The following RNF17 variants were observed in gnomAD, a reference collection of about 807,000 sequenced individuals.
RNF17 encodes spermatogenesis associated 23.
In RNF17, 31 loss-of-function variants were observed where a neutral mutation model predicts 200.5. The ratio of observed to expected loss-of-function variants is 0.15; its 90% CI spans 0.12 to 0.21. The LOEUF is 0.21. RNF17 is among the 10% of genes least tolerant of loss of function. RNF17 has a pLI of 1.00. For missense variants in RNF17, 1,628 were observed against 1,905.1 expected, an observed-to-expected ratio of 0.85 and a Z score of 2.71; for synonymous variants, 606 against 637.8, an observed-to-expected ratio of 0.95 and a Z score of 0.75.
intron 23 of RNF17, among the ~76,000 whole-genome samples, chr13:24,851,255 A>G (rs1404485160): frequency 6.6e-6 from 1 of 152,144 alleles, no homozygotes. Context: ...CTGCCTCTCA[A>G]AGTGCTGGGA....
At chr13:24,839,328 A>C (rs1831797) in intron 18 of RNF17, among the ~76,000 whole-genome samples, 150,726 of 152,228 alleles carry the variant, frequency 0.99, 74,638 homozygotes, top group Middle Eastern at 1. Flanking sequence ...TCTACAAATT[A>C]AGTGCAATCC....
At chr13:24,784,482 T>C (rs778234953) in intron 6 of RNF17, among the ~76,000 whole-genome samples, 3 of 152,176 alleles carry the variant, frequency 2.0e-5, no homozygotes, top group Non-Finnish European at 4.4e-5. Context: ...GGCTAAACTT[T>C]GTTGGGAGGT....
At chr13:24,817,665 G>A (rs1028461742) in intron 15 of RNF17, among the ~76,000 whole-genome samples, 1 of 151,652 alleles carries the variant, frequency 6.6e-6, no homozygotes, top group Admixed American at 6.6e-5. Flanking sequence ...GTTGCAGTGA[G>A]CTGAGAGTGT....
At chr13:24,852,124 TTC>T (rs1255901063) in intron 24 of RNF17, among the ~76,000 whole-genome samples, 2 of 148,922 alleles carry the variant, frequency 1.3e-5, no homozygotes, top group South Asian at 2.1e-4. Context: ...GCTTAATCTT[TTC>T]TCTCTCTCTC....
At chr13:24,815,427 G>GT (rs1887259961) in intron 15 of RNF17, among the ~76,000 whole-genome samples, 2 of 120,276 alleles carry the variant, frequency 1.7e-5, no homozygotes, top group East Asian at 2.4e-4. Flanking sequence ...AGCCCTAACG[G>GT]GGTGTGTGTG....
At chr13:24,861,830 A>G (rs940384313) in intron 27 of RNF17, among the ~76,000 whole-genome samples, 2 of 152,264 alleles carry the variant, frequency 1.3e-5, no homozygotes, top group Middle Eastern at 3.4e-3. Context: ...TGTTTTGACA[A>G]GGGGTCTGTA....
intron 1 of RNF17, among the ~76,000 whole-genome samples, chr13:24,766,690 A>G (rs970143651): frequency 2.0e-5 from 3 of 152,238 alleles, no homozygotes; most frequent in African/African-American, 7.2e-5. Flanking sequence ...AGGAGTCTGG[A>G]TTATACCATT....
At chr13:24,868,864 C>A in intron 31 of RNF17, 148 bp downstream of exon 31, 1 of 611,462 alleles carries the variant, frequency 1.6e-6, no homozygotes, top group Non-Finnish European at 2.9e-6. Context: ...CTATAATATC[C>A]TCTTCAGATA....
intron 27 of RNF17, 66 bp from the exon 28 acceptor site, chr13:24,862,647 T>C: frequency 2.0e-6 from 2 of 993,070 alleles, no homozygotes; most frequent in East Asian, 2.4e-5. Context: ...TTTGTGTATC[T>C]TAATTTGCTT....
chr13:24,812,704 C>T (rs1157854868), intron 15 of RNF17, among the ~76,000 whole-genome samples: 1 of 112,012 alleles, frequency 8.9e-6, no homozygotes, highest in Non-Finnish European at 1.7e-5. Flanking sequence ...TTTTTTGAGA[C>T]GCAGTCTCGC....
At chr13:24,761,235 T>G (rs568403686), upstream of RNF17, among the ~76,000 whole-genome samples, 35 of 152,334 alleles carry the variant, frequency 2.3e-4, no homozygotes, top group African/African-American at 8.2e-4. Flanking sequence ...ATGTTTCTAT[T>G]CAATAATTTG....
rs768395385 is a variant in RNF17, at chr13:24,802,433, A to G, written c.1811A>G (p.Asn604Ser). ...GTGGAATTTTTGAAAATGGTAAATAACAAGGCTGTTTCAATGAAAGTTTTT... is the reference window on the plus strand; with the variant it reads ...GTGGAATTTTTGAAAATGGTAAATAGCAAGGCTGTTTCAATGAAAGTTTTT... ...AKVEFLKMVN[N>S]KAVSMKVFRE... Residue 604 changes from asparagine (N) to serine (S), a missense_variant, in exon 14 of 36, where the codon AAC (asparagine) becomes AGC (serine). This residue lies in a region of RNF17 where 289 missense variants were observed against 384.9 expected (regional missense o/e 0.75). Coordinates refer to ENST00000255324, the MANE Select transcript of RNF17 (RefSeq NM_031277.3). 1 of 1,613,982 alleles carries G rather than the reference A, an allele frequency of 6.2e-7. No individual in the cohort carries two copies. Among genetic ancestry groups the G allele is most frequent in the South Asian group, 1.1e-5 (1 of 91,000 alleles).
rs8001694 is a variant in RNF17, at chr13:24,812,679, A to G, written c.2091+8250A>G. 5.7e-3 allele frequency among the ~76,000 whole-genome samples: 251 copies of G among 44,370 alleles called. 29 individuals carry two copies. Among genetic ancestry groups the G allele is most frequent in the Admixed American group, 0.015 (44 of 3,016 alleles). The allele number at this position is 44,370 out of a possible 152,430, so 29.1% of individuals were successfully genotyped here. A position where few individuals can be genotyped will look rare whatever the true frequency, so the allele number is the denominator to read the frequency against. ...TCTTGGCTCCTCCCCTCCCCGCCCC[A>G]CCCCCTTTTTTTTTTTTTTTGAGAC... On this transcript the variant is annotated intron_variant, in intron 15 of 35. Coordinates refer to ENST00000255324, the MANE Select transcript of RNF17 (RefSeq NM_031277.3).
chr13:24,781,213 G>A (rs1247721569), intron 5 of RNF17, among the ~76,000 whole-genome samples: 1 of 151,214 alleles, frequency 6.6e-6, no homozygotes, highest in Non-Finnish European at 1.5e-5. Flanking sequence ...TTTAATCCAC[G>A]GGGTCCTATC....
intron 12 of RNF17, 67 bp downstream of exon 12, chr13:24,799,651 GAATAA>G: frequency 1.0e-6 from 1 of 970,350 alleles, no homozygotes; most frequent in South Asian, 1.6e-5. Context: ...TGGAGTTAAA[GAATAA>G]AGGAAATTAG....
At chr13:24,816,713 C>T (rs1339376280) in intron 15 of RNF17, among the ~76,000 whole-genome samples, 1 of 152,198 alleles carries the variant, frequency 6.6e-6, no homozygotes, top group Non-Finnish European at 1.5e-5. Context: ...ACTTTCCTCC[C>T]AGTCAGCACT....
In RNF17 at chr13:24,831,890, A is replaced by G. The variant is rs1889455254; in HGVS notation, c.2394A>G (p.Pro798=). 1 of 1,608,994 alleles carries G rather than the reference A, an allele frequency of 6.2e-7. No individual in the cohort carries two copies. Among genetic ancestry groups the G allele is most frequent in the Non-Finnish European group, 8.5e-7 (1 of 1,178,452 alleles). Residue 798 remains proline, a synonymous_variant, in exon 18 of 36, where the codon CCA becomes CCG. Coordinates refer to ENST00000255324, the MANE Select transcript of RNF17 (RefSeq NM_031277.3). ...AIKCKLAYIE[P]YKRTMQWSKE... The stretch of plus-strand genomic sequence containing the variant: ...AATGTAAGTTGGCCTATATTGAACC[A>G]TATAAAAGGACAATGCAGTGGTCCA...
At chr13:24,769,162 T>C (rs1455364421) in intron 2 of RNF17, among the ~76,000 whole-genome samples, 1 of 151,692 alleles carries the variant, frequency 6.6e-6, no homozygotes, top group South Asian at 2.1e-4. Flanking sequence ...GAACTGTCTG[T>C]GTCCATATCC....
chr13:24,777,973 G>C (rs1881797950), intron 3 of RNF17, among the ~76,000 whole-genome samples: 1 of 152,066 alleles, frequency 6.6e-6, no homozygotes, highest in Admixed American at 6.6e-5. Context: ...TTAAAATAAT[G>C]TACGTGGGCC....
Sources: allele counts gnomAD v4.1 joint callset (sites outside exome capture counted in the v4.1 genomes callset), GRCh38; gene constraint gnomAD v4.1.1; regional missense constraint gnomAD v4.1.1; transcripts MANE v1.5; gene names NCBI Gene and HGNC (gene_info 2026-07-23, HGNC 2026-07-21).